SYNRG: variants seen among roughly 807,000 people sequenced by gnomAD.
SYNRG encodes synergin gamma, also known as AP1 gamma subunit binding protein 1.
SYNRG carries 37 observed loss-of-function variants against 130.9 expected under a neutral mutation model. The observed-to-expected ratio is 0.28, with a 90% CI of 0.22 to 0.37. SYNRG has a LOEUF of 0.37. SYNRG is among the 10% of genes least tolerant of loss of function. SYNRG has a pLI of 1.00. For synonymous variants in SYNRG, 539 were observed against 568.1 expected (o/e 0.95, Z 0.73); for missense variants, 1,338 against 1,588.9 (o/e 0.84, Z 2.68).
intron 20 of SYNRG, 58 bp downstream of exon 20, chr17:37,520,480 T>G: frequency 2.0e-6 from 3 of 1,515,814 alleles, no homozygotes; most frequent in South Asian, 2.2e-5. Context: ...CAGATGAGGT[T>G]GTCCAGAGTC....
In SYNRG at chr17:37,553,530, T is replaced by C. The variant is rs746960720; in HGVS notation, c.2193A>G (p.Thr731=). ...PVPLTSNVGS[T]VKGGQNSTAA... ...CAGTCGAGTTTTGTCCACCCTTCACTGTGCTGCCCACGTTGCTGGTTAGAG... is the reference window on the plus strand; with the variant it reads ...CAGTCGAGTTTTGTCCACCCTTCACCGTGCTGCCCACGTTGCTGGTTAGAG... Residue 731 remains threonine (T), a synonymous_variant, in exon 14 of 22, where the codon ACA becomes ACG. Transcript: ENST00000612223. The C allele has an allele frequency of 6.2e-7, 1 of 1,614,224 alleles. No individual in the cohort carries two copies. The highest frequency in any genetic ancestry group is 1.6e-4 in the Middle Eastern group (1 of 6,062).
chr17:37,570,748 G>C lies in SYNRG; in HGVS notation c.1236C>G (p.Ser412=). 1 of 1,614,232 alleles carries C rather than the reference G, an allele frequency of 6.2e-7. No homozygotes were observed. The highest frequency in any genetic ancestry group is 1.1e-5 in the South Asian group (1 of 91,092). ...CTGGCTGTCCAAGGCTGAGGGGCAT[G>C]GAGCCCGCAGGACCTGAAGGTATCA... ...PTVIPSGPAG[S]MPLSLGQPVM... is the part of the protein sequence containing the mutation. The change falls in exon 10 of 22, where the codon TCC becomes TCG. Residue 412 remains serine (S), a synonymous_variant. Coordinates refer to ENST00000612223, the MANE Select transcript of SYNRG (RefSeq NM_007247.6).
At chr17:37,608,499 T>C (rs2064016519) in intron 1 of SYNRG, among the ~76,000 whole-genome samples, 1 of 152,200 alleles carries the variant, frequency 6.6e-6, no homozygotes, top group Admixed American at 6.5e-5. Flanking sequence ...TTGTAAAACG[T>C]ACATCTCCCT....
At chr17:37,583,181 G>A (rs2061462620) in intron 6 of SYNRG, among the ~76,000 whole-genome samples, 1 of 151,928 alleles carries the variant, frequency 6.6e-6, no homozygotes, top group Non-Finnish European at 1.5e-5. Context: ...TAGTAGAGAT[G>A]GGGTTTCACC....
At chr17:37,597,747 G>T (rs2146940010) in intron 2 of SYNRG, among the ~76,000 whole-genome samples, 1 of 152,322 alleles carries the variant, frequency 6.6e-6, no homozygotes, top group South Asian at 2.1e-4. Flanking sequence ...AATACTAAAT[G>T]CTTATTATAT....
chr17:37,548,842 AAC>A (rs1491267618), intron 14 of SYNRG, among the ~76,000 whole-genome samples: 1 of 149,378 alleles, frequency 6.7e-6, no homozygotes, highest in Non-Finnish European at 1.5e-5. Context: ...AAAAAAAAAA[AAC>A]ACACAAAAAA....
chr17:37,525,367 T>G (rs2055710219), intron 19 of SYNRG, among the ~76,000 whole-genome samples: 1 of 152,202 alleles, frequency 6.6e-6, no homozygotes, highest in Non-Finnish European at 1.5e-5. Flanking sequence ...TACAATAAAC[T>G]GCTACAATGG....
chr17:37,542,386 C>T lies in SYNRG; in HGVS notation c.2788G>A (p.Glu930Lys), dbSNP rs763244607. Residue 930 changes from glutamate to lysine, a missense_variant, in exon 15 of 22, where the codon GAG (glutamate) becomes AAG (lysine). Physicochemically the swap from Glu to Lys is moderately conservative, Grantham distance 56 (BLOSUM62 1). Around this residue, in one of 3 missense-constraint regions of SYNRG, gnomAD observed 1,146 missense variants for 1,342.3 expected, o/e 0.85. Coordinates refer to ENST00000612223, the MANE Select transcript of SYNRG (RefSeq NM_007247.6). ...PSATSILQKK[E>K]TSFGSSENIT... ...TTTTCAGAACTGCCAAATGAAGTCT[C>T]TTTCTTTTGAAGAATTGAGGTGGCT... 3.7e-6 allele frequency: 6 copies of T among 1,614,198 alleles called. No individual in the cohort carries two copies. The South Asian group carries it at 6.6e-5, about 18-fold the overall frequency.
At chr17:37,579,249 C>G in intron 6 of SYNRG, 1 of 1,294,566 alleles carries the variant, frequency 7.7e-7, no homozygotes, top group Non-Finnish European at 1.0e-6. Flanking sequence ...TGTGTCCCAG[C>G]CTTCTGTGTA....
At chr17:37,594,689 T>C (rs2062603320) in intron 3 of SYNRG, among the ~76,000 whole-genome samples, 1 of 152,182 alleles carries the variant, frequency 6.6e-6, no homozygotes, top group Non-Finnish European at 1.5e-5. Context: ...CTCGATCTCC[T>C]GAACTCATGA....
At chr17:37,532,537 G>A (rs2056739431) in intron 19 of SYNRG, among the ~76,000 whole-genome samples, 2 of 152,122 alleles carry the variant, frequency 1.3e-5, no homozygotes, top group Admixed American at 1.3e-4. Flanking sequence ...GCTGGGCGTG[G>A]TGGCACGCAC....
Position 37,594,569 on chromosome 17 carries a change from TCTCCTG to T in SYNRG, c.240+1648_240+1653del, listed in dbSNP as rs1483626117. Among the ~76,000 whole-genome samples, 5 of 151,876 alleles carry T rather than the reference TCTCCTG, an allele frequency of 3.3e-5. No homozygotes were observed. The East Asian group carries it at 9.7e-4, about 29-fold the overall frequency. On this transcript the variant is annotated intron_variant, in intron 3 of 21. Transcript: ENST00000612223. The stretch of plus-strand genomic sequence containing the variant: ...CCTCTGCCTCCTGGGTTCAAGCGAT[TCTCCTG>T]CTCAGCCTCCTGAGTAGCTGGGATT...
chr17:37,535,915 ACT>A (rs1164621593), intron 19 of SYNRG, 62 bp downstream of exon 19: 5 of 1,598,604 alleles, frequency 3.1e-6, no homozygotes, highest in Non-Finnish European at 4.3e-6. Context: ...AGGAATATAC[ACT>A]CTGCTTTACA....
intron 14 of SYNRG, 26 bp downstream of exon 14, chr17:37,553,089 C>T (rs1431611591): frequency 6.3e-7 from 1 of 1,596,566 alleles, no homozygotes; most frequent in South Asian, 1.1e-5. Context: ...AACACCATCA[C>T]CAGAGCAATC....
chr17:37,566,174 C>T (rs1368609536), intron 11 of SYNRG, among the ~76,000 whole-genome samples: 2 of 152,176 alleles, frequency 1.3e-5, no homozygotes, highest in East Asian at 1.9e-4. Context: ...ATGACAATGG[C>T]GGCTTTGTGG....
rs377291728 is a variant in SYNRG, at chr17:37,570,790, C to T, written c.1194G>A (p.Pro398=). The T allele has an allele frequency of 3.0e-5, 49 of 1,614,044 alleles. No homozygotes were observed. The highest frequency in any genetic ancestry group is 3.8e-5 in the Non-Finnish European group (45 of 1,180,040). ...LSGFSMTLPT[P]VSQPTVIPSG... is the part of the protein sequence containing the mutation. Reference sequence around the variant, plus strand: ...AAGGTATCACAGTTGGCTGACTCACCGGTGTAGGCAGAGTCATAGAAAAGC... The same window carrying T: ...AAGGTATCACAGTTGGCTGACTCACTGGTGTAGGCAGAGTCATAGAAAAGC... The change falls in exon 10 of 22, where the codon CCG becomes CCA. Residue 398 remains proline (P), a synonymous_variant. Transcript: ENST00000612223.
intron 19 of SYNRG, among the ~76,000 whole-genome samples, chr17:37,532,948 A>C (rs562726695): frequency 1.2e-4 from 18 of 152,212 alleles, no homozygotes; most frequent in Non-Finnish European, 2.6e-4. Context: ...CATACTTTGG[A>C]GTTATGCCAT....
intron 19 of SYNRG, 130 bp downstream of exon 19, chr17:37,535,849 T>G: frequency 1.6e-6 from 2 of 1,248,626 alleles, no homozygotes; most frequent in Non-Finnish European, 2.3e-6. Flanking sequence ...GTGATCTCCC[T>G]CCTTTAATAT....
At chr17:37,566,236 G>A (rs1348761834) in intron 11 of SYNRG, among the ~76,000 whole-genome samples, 5 of 151,664 alleles carry the variant, frequency 3.3e-5, no homozygotes, top group Non-Finnish European at 5.9e-5. Flanking sequence ...GATGGTTGCC[G>A]TGTCTGTGTA....
Sources: allele counts gnomAD v4.1 joint callset (sites outside exome capture counted in the v4.1 genomes callset), GRCh38; gene constraint gnomAD v4.1.1; regional missense constraint gnomAD v4.1.1; transcripts MANE v1.5; gene names NCBI Gene and HGNC (gene_info 2026-07-23, HGNC 2026-07-21).